IGF2BP3: variants seen among roughly 807,000 people sequenced by gnomAD.
The protein encoded by IGF2BP3 is insulin like growth factor 2 mRNA binding protein 3.
A neutral mutation model predicts 73.8 loss-of-function variants in IGF2BP3; 9 were observed. The observed-to-expected ratio is 0.12, with a 90% confidence interval of 0.07 to 0.21. IGF2BP3 has a LOEUF of 0.21. IGF2BP3 is among the 10% of genes least tolerant of loss of function. The pLI, the probability that IGF2BP3 is intolerant of heterozygous loss-of-function variation, is 1.00. For missense variants in IGF2BP3, 542 were observed against 714.0 expected (o/e 0.76, Z 2.75); for synonymous variants, 258 against 256.7 (o/e 1.01, Z -0.05).
intron 11 of IGF2BP3, chr7:23,317,930 C>A (rs957923438): frequency 1.1e-5 from 6 of 555,428 alleles, no homozygotes; most frequent in South Asian, 2.3e-5. Flanking sequence ...CTAATGGAGA[C>A]CTCCACGTGC....
At chr7:23,379,433 T>G (rs1256855770) in intron 3 of IGF2BP3, among the ~76,000 whole-genome samples, 1 of 152,198 alleles carries the variant, frequency 6.6e-6, no homozygotes, top group Non-Finnish European at 1.5e-5. Flanking sequence ...TTCCACTTCA[T>G]GTTGTTTAGA....
chr7:23,354,951 T>C (rs943609487), intron 5 of IGF2BP3, among the ~76,000 whole-genome samples: 9 of 152,166 alleles, frequency 5.9e-5, no homozygotes, highest in Non-Finnish European at 1.0e-4. Flanking sequence ...ATGGCGGCTT[T>C]CTCATGATTG....
chr7:23,404,340 A>G (rs188554509), intron 3 of IGF2BP3, among the ~76,000 whole-genome samples: 1 of 152,278 alleles, frequency 6.6e-6, no homozygotes, highest in East Asian at 1.9e-4. Context: ...AGAAATCTGA[A>G]ATATCAGTCA....
intron 3 of IGF2BP3, among the ~76,000 whole-genome samples, chr7:23,417,620 C>T (rs1363662822): frequency 1.3e-5 from 2 of 152,022 alleles, no homozygotes; most frequent in African/African-American, 4.8e-5. Context: ...CCAGATGTAG[C>T]TCCTGAACAA....
At chr7:23,354,879 C>T (rs1463601870) in intron 5 of IGF2BP3, among the ~76,000 whole-genome samples, 1 of 152,142 alleles carries the variant, frequency 6.6e-6, no homozygotes, top group East Asian at 1.9e-4. Flanking sequence ...CCCCTCAAAC[C>T]ACAGTGCTCC....
rs1783823904 is a variant in IGF2BP3, at chr7:23,311,380, C to A, written c.*982G>T. On this transcript the variant is annotated 3_prime_UTR_variant, in exon 15 of 15. Coordinates refer to ENST00000258729, the MANE Select transcript of IGF2BP3 (RefSeq NM_006547.3). ...GGTATTGATAGTCAGAAGCACAAAG[C>A]ATTTATTATGCATTCAATCATGTAG... 1 of 152,672 alleles carries A rather than the reference C, an allele frequency of 6.5e-6. No individual in the cohort carries two copies. The highest frequency in any genetic ancestry group is 3.4e-3 in the Middle Eastern group (1 of 294). 9.5% of individuals were successfully genotyped at this position (152,672 alleles called of 1,614,324 possible).
intron 3 of IGF2BP3, among the ~76,000 whole-genome samples, chr7:23,400,405 C>T (rs753945568): frequency 7.2e-5 from 11 of 152,134 alleles, no homozygotes; most frequent in Non-Finnish European, 1.3e-4. Context: ...TGTCCTGCTC[C>T]TCCAGGGTAA....
At chr7:23,370,841 C>A (rs905750474) in intron 3 of IGF2BP3, among the ~76,000 whole-genome samples, 2 of 152,014 alleles carry the variant, frequency 1.3e-5, no homozygotes, top group East Asian at 3.9e-4. Context: ...CCACGCCCAG[C>A]TAATTTTTTG....
chr7:23,313,437 C>G (rs763364163), intron 13 of IGF2BP3, 85 bp downstream of exon 13: 150 of 1,467,750 alleles, frequency 1.0e-4, no homozygotes, highest in Non-Finnish European at 1.3e-4. Flanking sequence ...TATAAATTAG[C>G]CAAAATTCGG....
chr7:23,449,891 T>C (rs1419036807), intron 2 of IGF2BP3, among the ~76,000 whole-genome samples: 3 of 152,064 alleles, frequency 2.0e-5, no homozygotes, highest in Non-Finnish European at 4.4e-5. Flanking sequence ...AACCACACAT[T>C]AGAGCAGAGC....
At chr7:23,327,406 G>A (rs916105825) in intron 10 of IGF2BP3, among the ~76,000 whole-genome samples, 10 of 150,516 alleles carry the variant, frequency 6.6e-5, no homozygotes, top group East Asian at 2.0e-4. Flanking sequence ...TCAGCCTCCC[G>A]AGTAGCTGGG....
Position 23,453,176 on chromosome 7 carries a change from T to A in IGF2BP3, c.236+15306A>T, listed in dbSNP as rs561617391. On this transcript the variant is annotated intron_variant, in intron 2 of 14. Transcript: ENST00000258729. ...AAATAAACATGGGTTCTTGCTGTGT[T>A]ACCCAGGATGGTCTCCCAAAGTGCT... Among the ~76,000 whole-genome samples, 13 of 152,324 alleles carry A rather than the reference T, an allele frequency of 8.5e-5. No homozygotes were observed. The South Asian group carries it at 2.7e-3, about 32-fold the overall frequency.
chr7:23,312,285 G>T lies in IGF2BP3; in HGVS notation c.*77C>A. The T allele has an allele frequency of 1.9e-6, 2 of 1,062,904 alleles. No individual in the cohort carries two copies. The highest frequency in any genetic ancestry group is 2.9e-6 in the Non-Finnish European group (2 of 684,774). The allele number at this position is 1,062,904 out of a possible 1,614,324, so 65.8% of individuals were successfully genotyped here. A position where few individuals can be genotyped will look rare whatever the true frequency, so the allele number is the denominator to read the frequency against. ...TTGTGCATGTGATTCTGGATAGGGG[G>T]TCAGCGCCCATCTGTTGGTTAAGCA... is the stretch of plus-strand genomic sequence containing the variant. On this transcript the variant is annotated 3_prime_UTR_variant, in exon 15 of 15. Coordinates refer to ENST00000258729, the MANE Select transcript of IGF2BP3 (RefSeq NM_006547.3).
intron 3 of IGF2BP3, among the ~76,000 whole-genome samples, chr7:23,369,448 A>G (rs1785481318): frequency 1.3e-5 from 2 of 152,146 alleles, no homozygotes. Context: ...ACAGATTTGA[A>G]CCTGACTGTC....
At chr7:23,380,284 C>A (rs151092837) in intron 3 of IGF2BP3, among the ~76,000 whole-genome samples, 153 of 151,622 alleles carry the variant, frequency 1.0e-3, no homozygotes, top group African/African-American at 3.6e-3. Context: ...CTGCCTCAGC[C>A]TCCCGAGTAC....
At chr7:23,453,836 T>G (rs1788255403) in intron 2 of IGF2BP3, among the ~76,000 whole-genome samples, 1 of 151,916 alleles carries the variant, frequency 6.6e-6, no homozygotes, top group East Asian at 1.9e-4. Flanking sequence ...GACAAGGGTG[T>G]TTTTTTTGTT....
At chr7:23,400,328 A>G (rs1052563565) in intron 3 of IGF2BP3, among the ~76,000 whole-genome samples, 1 of 152,014 alleles carries the variant, frequency 6.6e-6, no homozygotes, top group African/African-American at 2.4e-5. Context: ...TCACCATTAG[A>G]AGAAGTAGTA....
chr7:23,361,850 A>C lies in IGF2BP3; in HGVS notation c.286-109T>G, dbSNP rs1407198086. 3 of 893,894 alleles carry C rather than the reference A, an allele frequency of 3.4e-6. No individual in the cohort carries two copies. In the African/African-American group the frequency reaches 5.0e-5, roughly 15 times the overall value. 55.4% of individuals were successfully genotyped at this position (893,894 alleles called of 1,614,324 possible). Reference sequence around the variant, plus strand: ...GTAATTGTGATGGAAAAGAGCCAAAAAATTATCTGGGGCTTTGGACTGCAG... The same window carrying C: ...GTAATTGTGATGGAAAAGAGCCAAACAATTATCTGGGGCTTTGGACTGCAG... On this transcript the variant is annotated intron_variant, in intron 3 of 14. Coordinates refer to ENST00000258729, the MANE Select transcript of IGF2BP3 (RefSeq NM_006547.3).
intron 3 of IGF2BP3, among the ~76,000 whole-genome samples, chr7:23,383,079 C>G (rs1785963617): frequency 6.6e-6 from 1 of 151,776 alleles, no homozygotes; most frequent in African/African-American, 2.4e-5. Context: ...AACAAACAAA[C>G]AAACACACCT....
Sources: allele counts gnomAD v4.1 joint callset (sites outside exome capture counted in the v4.1 genomes callset), GRCh38; gene constraint gnomAD v4.1.1; transcripts MANE v1.5; gene names NCBI Gene and HGNC (gene_info 2026-07-23, HGNC 2026-07-21).